TMEM117: variants seen among roughly 807,000 people sequenced by gnomAD.
TMEM117 encodes the protein transmembrane protein 117.
A neutral mutation model predicts 52.4 loss-of-function variants in TMEM117; 27 were observed. The observed-to-expected ratio is 0.51, with a 90% CI of 0.38 to 0.71. The LOEUF is 0.71. Among genes scored for constraint, TMEM117 ranks in the 30% least tolerant of loss-of-function variants. TMEM117 has a pLI of 0.00. For missense variants in TMEM117, 556 were observed against 630.5 expected (o/e 0.88, Z 1.26); for synonymous variants, 215 against 206.3 (o/e 1.04, Z -0.36).
At chr12:43,799,048 C>T in the TMEM117 span, among the ~76,000 whole-genome samples, 3 of 151,978 alleles carry the variant, frequency 2.0e-5, no homozygotes, top group African/African-American at 7.2e-5. Flanking sequence ...CTGCTTCAGG[C>T]AACCTTATTA....
intron 3 of TMEM117, chr12:44,009,483 T>C: frequency 4.4e-6 from 1 of 226,018 alleles, no homozygotes. Flanking sequence ...GATGCCATCT[T>C]CCAGTCTTTG....
chr12:44,058,712 G>C (rs900763759), intron 3 of TMEM117, among the ~76,000 whole-genome samples: 9 of 152,186 alleles, frequency 5.9e-5, no homozygotes, highest in African/African-American at 1.9e-4. Context: ...ATATGAAGAA[G>C]ATGAAATCTG....
intron 2 of TMEM117, among the ~76,000 whole-genome samples, chr12:43,908,479 C>G (rs1452811790): frequency 4.6e-5 from 6 of 130,540 alleles, no homozygotes; most frequent in Non-Finnish European, 8.5e-5. Context: ...ATGACAGGAT[C>G]AGATTCACAC....
chr12:44,153,782 T>C (rs919120958), intron 4 of TMEM117, among the ~76,000 whole-genome samples: 1 of 152,058 alleles, frequency 6.6e-6, no homozygotes, highest in African/African-American at 2.4e-5. Context: ...GCCACATTTT[T>C]AGTTAAATGT....
chr12:44,201,033 A>G (rs760598950), intron 4 of TMEM117, among the ~76,000 whole-genome samples: 37 of 152,192 alleles, frequency 2.4e-4, no homozygotes, highest in Non-Finnish European at 4.4e-5. Context: ...CCACCAGAAA[A>G]TGCTACCAAG....
chr12:43,904,334 A>G (rs1490388456), intron 2 of TMEM117, among the ~76,000 whole-genome samples: 1 of 152,190 alleles, frequency 6.6e-6, no homozygotes, highest in Admixed American at 6.5e-5. Context: ...TGATGGTACC[A>G]CTGCACTCCA....
intron 3 of TMEM117, among the ~76,000 whole-genome samples, chr12:44,016,725 T>C (rs1437822584): frequency 6.6e-6 from 1 of 152,180 alleles, no homozygotes; most frequent in Non-Finnish European, 1.5e-5. Flanking sequence ...CAGAGGTCAA[T>C]GGTGAACAGA....
intron 6 of TMEM117, among the ~76,000 whole-genome samples, chr12:44,320,905 A>G (rs1951121187): frequency 6.6e-6 from 1 of 152,250 alleles, no homozygotes; most frequent in Non-Finnish European, 1.5e-5. Flanking sequence ...TATTCAACAG[A>G]TGTTGGCTGA....
At chr12:43,884,085 A>G (rs1329006482) in intron 2 of TMEM117, among the ~76,000 whole-genome samples, 1 of 151,038 alleles carries the variant, frequency 6.6e-6, no homozygotes, top group Non-Finnish European at 1.5e-5. Context: ...GCAGTGAGCC[A>G]TGATCACACC....
At chr12:44,349,330 G>A (rs537609919) in intron 6 of TMEM117, among the ~76,000 whole-genome samples, 4 of 152,010 alleles carry the variant, frequency 2.6e-5, no homozygotes, top group South Asian at 2.1e-4. Flanking sequence ...CAAACAATAC[G>A]TCAGTTTCTT....
chr12:43,834,134 A>C (rs566669896), upstream of TMEM117, among the ~76,000 whole-genome samples: 1 of 152,318 alleles, frequency 6.6e-6, no homozygotes, highest in South Asian at 2.1e-4. Context: ...TACAGACCTC[A>C]GTATTCTGTA....
chr12:43,852,942 T>C (rs967532777), intron 2 of TMEM117, among the ~76,000 whole-genome samples: 16 of 152,220 alleles, frequency 1.1e-4, no homozygotes, highest in African/African-American at 3.6e-4. Flanking sequence ...TTTGTATTCA[T>C]TGAAGGTATT....
At chr12:44,023,068 C>T (rs1946478524) in intron 3 of TMEM117, among the ~76,000 whole-genome samples, 3 of 152,178 alleles carry the variant, frequency 2.0e-5, no homozygotes, top group Admixed American at 2.0e-4. Context: ...ACTGCCCTTG[C>T]ATGAAAACAA....
the TMEM117 span, among the ~76,000 whole-genome samples, chr12:43,807,983 A>G: frequency 6.6e-6 from 1 of 152,232 alleles, no homozygotes; most frequent in African/African-American, 2.4e-5. Context: ...GAGTACCAAC[A>G]TCCTGTGTGA....
At chr12:44,346,712 A>G (rs1309369350) in intron 6 of TMEM117, among the ~76,000 whole-genome samples, 1 of 152,068 alleles carries the variant, frequency 6.6e-6, no homozygotes, top group East Asian at 1.9e-4. Flanking sequence ...TCCCTTCAGA[A>G]CACAATTTGA....
At chr12:44,291,322 T>G (rs1189062985) in intron 5 of TMEM117, among the ~76,000 whole-genome samples, 1 of 151,834 alleles carries the variant, frequency 6.6e-6, no homozygotes, top group Non-Finnish European at 1.5e-5. Flanking sequence ...AACTTTTGTA[T>G]GTTGATTTTT....
At chr12:44,167,653 C>T (rs1054276726) in intron 4 of TMEM117, among the ~76,000 whole-genome samples, 4 of 151,764 alleles carry the variant, frequency 2.6e-5, no homozygotes, top group Non-Finnish European at 5.9e-5. Context: ...GGCGACAGGG[C>T]GAGACTCTGT....
At chr12:43,835,579 C>T (rs1943012496), upstream of TMEM117, among the ~76,000 whole-genome samples, 1 of 152,194 alleles carries the variant, frequency 6.6e-6, no homozygotes, top group Non-Finnish European at 1.5e-5. Flanking sequence ...CACATCCCCA[C>T]ACCACCAACA....
At chr12:44,136,037 T>C (rs1226036692) in intron 3 of TMEM117, among the ~76,000 whole-genome samples, 1 of 152,200 alleles carries the variant, frequency 6.6e-6, no homozygotes, top group Non-Finnish European at 1.5e-5. Flanking sequence ...AGCTTACAAT[T>C]CCCTTTTACA....
Sources: gnomAD v4.1 joint callset for allele counts (sites outside exome capture counted in the v4.1 genomes callset) on GRCh38, gnomAD v4.1.1 for gene constraint, MANE v1.5 for transcripts, NCBI Gene and HGNC (gene_info 2026-07-23, HGNC 2026-07-21) for gene names.